Variants in DNAH10 observed in about 807,000 individuals in gnomAD.
DNAH10 encodes axonemal beta dynein heavy chain 10.
Under a neutral mutation model 506.6 loss-of-function variants are expected in DNAH10, and 348 were observed. That is an observed-to-expected ratio of 0.69 (90% CI 0.63 to 0.75). DNAH10 has a LOEUF of 0.75. DNAH10 is among the 30% of genes least tolerant of loss of function. The pLI is 0.00. For synonymous variants in DNAH10, 2,059 were observed against 2,198.6 expected, an observed-to-expected ratio of 0.94 and a Z score of 1.78; for missense variants, 5,179 against 5,787.1, an observed-to-expected ratio of 0.89 and a Z score of 3.41.
intron 32 of DNAH10, among the ~76,000 whole-genome samples, chr12:123,847,683 C>T (rs563528166): frequency 6.6e-6 from 1 of 152,300 alleles, no homozygotes; most frequent in South Asian, 2.1e-4. Flanking sequence ...CTGTTCTGTT[C>T]AGTCTTTAAT....
Position 123,850,574 on chromosome 12 carries a change from G to C in DNAH10, c.6103-314G>C, listed in dbSNP as rs1179024118. The stretch of plus-strand genomic sequence containing the variant: ...ATAAACTGAGACTCAGAGAGGTTAA[G>C]TGACCTGCTGAGGGTCACACAGCTT... On this transcript the variant is annotated intron_variant, in intron 34 of 78. Coordinates refer to ENST00000673944, the MANE Select transcript of DNAH10 (RefSeq NM_001372106.1). This position sits in a 1 kb window ranked among gnomAD's most constrained non-coding sequence, Gnocchi z 5.5. 6.6e-6 allele frequency among the ~76,000 whole-genome samples: 1 copy of C among 152,220 alleles called. No homozygotes were observed. Among genetic ancestry groups the C allele is most frequent in the East Asian group, 1.9e-4 (1 of 5,186 alleles).
intron 55 of DNAH10, 36 bp from the exon 56 acceptor site, chr12:123,898,617 A>G: frequency 6.8e-7 from 1 of 1,469,396 alleles, no homozygotes; most frequent in South Asian, 1.4e-5. Flanking sequence ...AACAGTGGCC[A>G]CCTCGACGAT....
intron 57 of DNAH10, among the ~76,000 whole-genome samples, chr12:123,905,849 G>A (rs1953749408): frequency 6.6e-6 from 1 of 151,956 alleles, no homozygotes; most frequent in Admixed American, 6.5e-5. Context: ...TTGTTTATGA[G>A]GTTTATGTGT....
At chr12:123,900,020 A>G (rs181411973) in intron 56 of DNAH10, among the ~76,000 whole-genome samples, 1 of 151,944 alleles carries the variant, frequency 6.6e-6, no homozygotes, top group African/African-American at 2.4e-5. Flanking sequence ...TGCCTACCTA[A>G]TTTCTCATGA....
intron 50 of DNAH10, 78 bp downstream of exon 50, chr12:123,879,879 G>C: frequency 6.6e-7 from 1 of 1,523,374 alleles, no homozygotes; most frequent in East Asian, 2.3e-5. Flanking sequence ...CATCGCGCGG[G>C]TGCCCGGGAG....
rs1008689350 is a variant in DNAH10, at chr12:123,932,023, G to A, written c.13211G>A (p.Trp4404Ter). The A allele has an allele frequency of 3.1e-6, 5 of 1,613,878 alleles. No individual in the cohort carries two copies. Among genetic ancestry groups the A allele is most frequent in the Non-Finnish European group, 3.4e-6 (4 of 1,179,900 alleles). Residue 4404 changes from tryptophan to a stop codon, truncating the protein, a stop_gained, in exon 76 of 79, where the codon TGG becomes TAG. Coordinates refer to ENST00000673944, the MANE Select transcript of DNAH10 (RefSeq NM_001372106.1). LOFTEE classifies it high-confidence loss of function. The part of the protein sequence containing the change: ...SLFIGHIPNI[W>*]RRLAPDTLKS... ...TTTATCGGGCATATCCCTAATATCTGGAGAAGGCTTGCTCCTGACACCTTA... is the reference window on the plus strand; with the variant it reads ...TTTATCGGGCATATCCCTAATATCTAGAGAAGGCTTGCTCCTGACACCTTA...
Position 123,910,674 on chromosome 12 carries a change from T to G in DNAH10, c.10134+2T>G, listed in dbSNP as rs763717233. ...GAAATCAAGCCCAAAAGAGAGAAGG[T>G]ATTGCCCGAATGTAAGACTGCCACA... On this transcript the variant is annotated splice_donor_variant, in intron 59 of 78. Coordinates refer to ENST00000673944, the MANE Select transcript of DNAH10 (RefSeq NM_001372106.1). LOFTEE classifies it high-confidence loss of function. The G allele has an allele frequency of 8.7e-6, 14 of 1,610,140 alleles. No homozygotes were observed. The Admixed American group carries it at 2.3e-4, about 27-fold the overall frequency.
rs569902694 is a variant in DNAH10, at chr12:123,919,449, G to C, written c.11506+500G>C. Among the ~76,000 whole-genome samples the C allele has an allele frequency of 6.6e-6, 1 of 152,266 alleles. No homozygotes were observed. Among genetic ancestry groups the C allele is most frequent in the East Asian group, 1.9e-4 (1 of 5,194 alleles). ...TAAAGCACTGAATTTTAAGATAGCAGCTTTATTGAGACACAATTTACATAC... is the reference window on the plus strand; with the variant it reads ...TAAAGCACTGAATTTTAAGATAGCACCTTTATTGAGACACAATTTACATAC... On this transcript the variant is annotated intron_variant, in intron 65 of 78. Transcript: ENST00000673944. This position sits in a 1 kb window ranked among gnomAD's most constrained non-coding sequence, Gnocchi z 4.9.
rs1480650783 is a variant in DNAH10 at position 123,929,550 on chromosome 12, C to T, written c.12516+66C>T. On this transcript the variant is annotated intron_variant, in intron 71 of 78. Coordinates refer to ENST00000673944, the MANE Select transcript of DNAH10 (RefSeq NM_001372106.1). ...CGGCCCACTTCCTCCCGACTTTCCT[C>T]CGGGTTCAACCACAGCAGGGTTGCA... 4.4e-6 allele frequency: 7 copies of T among 1,580,600 alleles called. No homozygotes were observed. In the East Asian group the frequency reaches 1.2e-4, roughly 26 times the overall value.
At chr12:123,776,731 T>A (rs1312713094) in intron 5 of DNAH10, among the ~76,000 whole-genome samples, 1 of 151,962 alleles carries the variant, frequency 6.6e-6, no homozygotes, top group Non-Finnish European at 1.5e-5. Context: ...AATCAAGACG[T>A]GAAGCAGGAT....
At chr12:123,922,183 G>A (rs889440349) in intron 65 of DNAH10, among the ~76,000 whole-genome samples, 50 of 152,116 alleles carry the variant, frequency 3.3e-4, no homozygotes, top group Non-Finnish European at 5.9e-4. Flanking sequence ...GACCATCCTG[G>A]CCAACCTGGT....
At chr12:123,771,171 T>G (rs1381682257) in intron 2 of DNAH10, among the ~76,000 whole-genome samples, 2 of 152,160 alleles carry the variant, frequency 1.3e-5, no homozygotes, top group East Asian at 3.9e-4. Flanking sequence ...GGTGTTGCCA[T>G]GCTGGCCAGG....
chr12:123,845,831 G>C lies in DNAH10; in HGVS notation c.5592G>C (p.Val1864=), dbSNP rs1445323926. 3 of 1,614,038 alleles carry C rather than the reference G, an allele frequency of 1.9e-6. No individual in the cohort carries two copies. The Admixed American group carries it at 5.0e-5, about 27-fold the overall frequency. Residue 1864 remains valine, a synonymous_variant, in exon 31 of 79, where the codon GTG becomes GTC. Coordinates refer to ENST00000673944, the MANE Select transcript of DNAH10 (RefSeq NM_001372106.1). ...KKYNTVLIID[V]HARDIVDSFI... ...ACAACACTGTTCTCATCATTGATGTGCATGCCAGAGACATAGTTGATTCTT... is the reference window on the plus strand; with the variant it reads ...ACAACACTGTTCTCATCATTGATGTCCATGCCAGAGACATAGTTGATTCTT...
At chr12:123,879,474 G>C in intron 49 of DNAH10, 117 bp downstream of exon 49, 1 of 1,434,524 alleles carries the variant, frequency 7.0e-7, no homozygotes, top group Non-Finnish European at 9.5e-7. Flanking sequence ...AAGGTCAATG[G>C]GGCAAAGGAG....
intron 36 of DNAH10, among the ~76,000 whole-genome samples, chr12:123,856,293 T>C (rs991437964): frequency 7.3e-5 from 11 of 149,758 alleles, no homozygotes; most frequent in Non-Finnish European, 1.5e-4. Context: ...CATTTAAATA[T>C]ATATGTATGT....
At chr12:123,835,877 G>A (rs879341619) in intron 28 of DNAH10, among the ~76,000 whole-genome samples, 3 of 152,110 alleles carry the variant, frequency 2.0e-5, no homozygotes, top group African/African-American at 7.2e-5. Context: ...CTCCCACATT[G>A]GCCTCCCAAA....
rs1016548864 is a variant in DNAH10, at chr12:123,771,476, G to A, written c.299-125G>A. ...TTTGATTGATTGGAACAGAAGGTATGCACAGCTATTTGATAACTCGCCTTT... is the reference window on the plus strand; with the variant it reads ...TTTGATTGATTGGAACAGAAGGTATACACAGCTATTTGATAACTCGCCTTT... On this transcript the variant is annotated intron_variant, in intron 2 of 78. Coordinates refer to ENST00000673944, the MANE Select transcript of DNAH10 (RefSeq NM_001372106.1). The A allele has an allele frequency of 3.2e-5, 24 of 751,160 alleles. No individual in the cohort carries two copies. The African/African-American group carries it at 3.8e-4, about 12-fold the overall frequency. The allele number at this position is 751,160 out of a possible 1,614,324, so 46.5% of individuals were successfully genotyped here.
chr12:123,920,351 G>C (rs1954671169), intron 65 of DNAH10, among the ~76,000 whole-genome samples: 1 of 152,254 alleles, frequency 6.6e-6, no homozygotes, highest in Admixed American at 6.5e-5. Flanking sequence ...AAGGCTAAGT[G>C]ATTTCTGCCA....
In DNAH10 at chr12:123,929,552, G is replaced by A. The variant is rs548189958; in HGVS notation, c.12516+68G>A. The A allele has an allele frequency of 5.5e-5, 87 of 1,576,936 alleles. 1 individual carries two copies. Among genetic ancestry groups the A allele is most frequent in the Non-Finnish European group, 7.3e-5 (85 of 1,160,320 alleles). On this transcript the variant is annotated intron_variant, in intron 71 of 78. Coordinates refer to ENST00000673944, the MANE Select transcript of DNAH10 (RefSeq NM_001372106.1). The stretch of plus-strand genomic sequence containing the variant: ...GCCCACTTCCTCCCGACTTTCCTCC[G>A]GGTTCAACCACAGCAGGGTTGCACC...
Sources: gnomAD v4.1 joint callset for allele counts (sites outside exome capture counted in the v4.1 genomes callset) on GRCh38, gnomAD v4.1.1 for gene constraint, Gnocchi (gnomAD v3.1) non-coding constraint, MANE v1.5 for transcripts, NCBI Gene and HGNC (gene_info 2026-07-23, HGNC 2026-07-21) for gene names.